P4HB: variants seen among roughly 807,000 people sequenced by gnomAD.
P4HB encodes the protein protein disulfide-isomerase.
Under a neutral mutation model 52.6 loss-of-function variants are expected in P4HB, and 20 were observed. The observed-to-expected ratio is 0.38, with a 90% confidence interval of 0.27 to 0.55. P4HB has a LOEUF of 0.55. P4HB is among the 20% of genes least tolerant of loss of function. The pLI is 0.74. For missense variants in P4HB, 601 were observed against 669.2 expected (o/e 0.90, Z 1.12); for synonymous variants, 296 against 277.9 (o/e 1.07, Z -0.65).
chr17:81,855,887 T>C lies in P4HB; in HGVS notation c.353-301A>G. ...TCTCTCTGCATTTTCTTTTTTCTTT[T>C]GACACAGGGGCTCACTCTGTTACCC... On this transcript the variant is annotated intron_variant, in intron 2 of 10. Transcript: ENST00000331483. The surrounding 1 kb of genome is among the most constrained non-coding windows in gnomAD (Gnocchi z 4.3). 3.2e-6 allele frequency: 1 copy of C among 317,114 alleles called. No individual in the cohort carries two copies. The highest frequency in any genetic ancestry group is 5.8e-6 in the Non-Finnish European group (1 of 171,670). 19.6% of individuals were successfully genotyped at this position (317,114 alleles called of 1,614,324 possible).
intron 1 of P4HB, 80 bp from the exon 2 acceptor site, chr17:81,859,467 C>T: frequency 1.6e-6 from 2 of 1,242,872 alleles, no homozygotes; most frequent in Non-Finnish European, 2.3e-6. Flanking sequence ...TTCCCTTTTT[C>T]CTCTGGCATT....
intron 4 of P4HB, among the ~76,000 whole-genome samples, chr17:81,853,308 C>A (rs1227512742): frequency 6.6e-6 from 1 of 152,154 alleles, no homozygotes; most frequent in African/African-American, 2.4e-5. Flanking sequence ...GTCGGTGGCT[C>A]ACACCTGTAA....
chr17:81,851,433 C>T (rs1359013656), intron 4 of P4HB, among the ~76,000 whole-genome samples: 3 of 152,202 alleles, frequency 2.0e-5, no homozygotes, highest in Non-Finnish European at 2.9e-5. Context: ...CCACCCTGCC[C>T]GAACCCGAGG....
At position 81,859,280 on chromosome 17, in the gene P4HB, T is replaced by C. The variant is rs775201620; in HGVS notation, c.253A>G (p.Thr85Ala). ...TGCTGGGCCAGGTCAGACTCCTCCGTGGCGTCCACCTTGGCCAACCTGATC... is the reference window on the plus strand; with the variant it reads ...TGCTGGGCCAGGTCAGACTCCTCCGCGGCGTCCACCTTGGCCAACCTGATC... ...SEIRLAKVDA[T>A]EESDLAQQYG... Residue 85 changes from threonine (T) to alanine (A), a missense_variant, in exon 2 of 11, where the codon ACG (threonine) becomes GCG (alanine). Coordinates refer to ENST00000331483, the MANE Select transcript of P4HB (RefSeq NM_000918.4). 6 of 1,614,034 alleles carry C rather than the reference T, an allele frequency of 3.7e-6. No homozygotes were observed. The Admixed American group carries it at 5.0e-5, about 13-fold the overall frequency.
At position 81,855,860 on chromosome 17, in the gene P4HB, G is replaced by C. The variant is rs527241165; in HGVS notation, c.353-274C>G. 5.0e-6 allele frequency: 2 copies of C among 396,734 alleles called. No homozygotes were observed. Among genetic ancestry groups the C allele is most frequent in the East Asian group, 4.1e-5 (1 of 24,642 alleles). The allele number at this position is 396,734 out of a possible 1,614,324, so 24.6% of individuals were successfully genotyped here. ...GATCACAAACCCATTTTTTTTCTCTGATCTCTCTGCATTTTCTTTTTTCTT... is the reference window on the plus strand; with the variant it reads ...GATCACAAACCCATTTTTTTTCTCTCATCTCTCTGCATTTTCTTTTTTCTT... On this transcript the variant is annotated intron_variant, in intron 2 of 10. Transcript: ENST00000331483. The surrounding 1 kb of genome is among the most constrained non-coding windows in gnomAD (Gnocchi z 4.3).
intron 4 of P4HB, among the ~76,000 whole-genome samples, chr17:81,848,268 G>A (rs575490767): frequency 3.3e-5 from 5 of 152,150 alleles, no homozygotes; most frequent in Non-Finnish European, 7.3e-5. Context: ...CACGTGCTGC[G>A]GCACAGACCC....
In P4HB at chr17:81,859,383, G is replaced by A. The variant is rs2038962262; in HGVS notation, c.150C>T (p.Ala50=). 2 of 1,612,330 alleles carry A rather than the reference G, an allele frequency of 1.2e-6. No individual in the cohort carries two copies. The highest frequency in any genetic ancestry group is 1.3e-5 in the African/African-American group (1 of 74,896). ...AHKYLLVEFY[A]PWCGHCKALA... ...GAGCCTTGCAGTGGCCACACCAAGG[G>A]GCATCTGGAAGCGGAAATGAGATGC... Residue 50 remains alanine, a synonymous_variant, in exon 2 of 11, where the codon GCC becomes GCT. Transcript: ENST00000331483.
rs967303558 is a variant in P4HB at position 81,851,055 on chromosome 17, T to C, written c.625-3708A>G. On this transcript the variant is annotated intron_variant, in intron 4 of 10. Coordinates refer to ENST00000331483, the MANE Select transcript of P4HB (RefSeq NM_000918.4). ...ACGCCATTCTCCTGCCTCAGCCTCCTGAGTAGCTGGGACTACAGGTGCCCG... is the reference window on the plus strand; with the variant it reads ...ACGCCATTCTCCTGCCTCAGCCTCCCGAGTAGCTGGGACTACAGGTGCCCG... Among the ~76,000 whole-genome samples, 6 of 152,038 alleles carry C rather than the reference T, an allele frequency of 3.9e-5. No homozygotes were observed. The East Asian group carries it at 9.7e-4, about 25-fold the overall frequency.
At chr17:81,857,413 T>C (rs1255121781) in intron 2 of P4HB, among the ~76,000 whole-genome samples, 2 of 152,206 alleles carry the variant, frequency 1.3e-5, no homozygotes, top group Non-Finnish European at 2.9e-5. Context: ...CCTCCCAAAG[T>C]GCTGGGATTA....
At chr17:81,847,519 G>C (rs1598264692) in intron 4 of P4HB, 172 bp from the exon 5 acceptor site, 16 of 635,164 alleles carry the variant, frequency 2.5e-5, no homozygotes, top group South Asian at 2.3e-4. Flanking sequence ...TCGACAGTAA[G>C]ACTGGCTCTG....
At chr17:81,856,591 G>A (rs560167747) in intron 2 of P4HB, among the ~76,000 whole-genome samples, 1 of 150,480 alleles carries the variant, frequency 6.6e-6, no homozygotes, top group East Asian at 2.0e-4. Context: ...TGCCTCAGCG[G>A]TCTCCCAAAG....
chr17:81,852,929 T>G (rs2038854994), intron 4 of P4HB, among the ~76,000 whole-genome samples: 1 of 152,258 alleles, frequency 6.6e-6, no homozygotes, highest in South Asian at 2.1e-4. Flanking sequence ...AGGACAAGAC[T>G]TGGAACTTTC....
intron 4 of P4HB, among the ~76,000 whole-genome samples, chr17:81,848,938 C>T (rs528923149): frequency 4.1e-5 from 6 of 145,576 alleles, no homozygotes; most frequent in South Asian, 2.2e-4. Context: ...CCCAGCTGCT[C>T]GGGAGACTGA....
In P4HB at chr17:81,846,676, C is replaced by T; in HGVS notation, c.856-47G>A. On this transcript the variant is annotated intron_variant, in intron 6 of 10. Transcript: ENST00000331483. This position sits in a 1 kb window ranked among gnomAD's most constrained non-coding sequence, Gnocchi z 5.7. ...CACAGGTGCGGGAGACGGCTGGCCT[C>T]TGCCTCCAGCCCTGACTTTGCTCGG... The T allele has an allele frequency of 1.9e-6, 3 of 1,563,724 alleles. No individual in the cohort carries two copies. The highest frequency in any genetic ancestry group is 2.6e-6 in the Non-Finnish European group (3 of 1,140,344).
At chr17:81,853,119 G>C (rs149427279) in intron 4 of P4HB, among the ~76,000 whole-genome samples, 52 of 152,316 alleles carry the variant, frequency 3.4e-4, no homozygotes, top group African/African-American at 1.2e-3. Context: ...AGCATCTACT[G>C]TCTTGAGTTA....
rs1374981052 is a variant in P4HB at position 81,859,128 on chromosome 17, C to T, written c.352+53G>A. 4.5e-6 allele frequency: 7 copies of T among 1,539,826 alleles called. No homozygotes were observed. In the South Asian group the frequency reaches 6.7e-5, roughly 15 times the overall value. On this transcript the variant is annotated intron_variant, in intron 2 of 10. Coordinates refer to ENST00000331483, the MANE Select transcript of P4HB (RefSeq NM_000918.4). ...GACAGCTGCCCCTGCCCTTCCAAGTCGGCAGGCCAGTCCCTCTCTAAAGAC... is the reference window on the plus strand; with the variant it reads ...GACAGCTGCCCCTGCCCTTCCAAGTTGGCAGGCCAGTCCCTCTCTAAAGAC...
In P4HB at chr17:81,860,479, A is replaced by C. The variant is rs1279789852; in HGVS notation, c.-8T>G. Reference sequence around the variant, plus strand: ...CAGAGCGCGGCGCAGCATGTCGGACACGGATCAGGCGGGGCGCTTCGGTTG... The same window carrying C: ...CAGAGCGCGGCGCAGCATGTCGGACCCGGATCAGGCGGGGCGCTTCGGTTG... On this transcript the variant is annotated 5_prime_UTR_variant, in exon 1 of 11. Coordinates refer to ENST00000331483, the MANE Select transcript of P4HB (RefSeq NM_000918.4). 40 of 1,302,990 alleles carry C rather than the reference A, an allele frequency of 3.1e-5. No individual in the cohort carries two copies. The highest frequency in any genetic ancestry group is 3.9e-5 in the Non-Finnish European group (40 of 1,023,450). 80.7% of individuals were successfully genotyped at this position (1,302,990 alleles called of 1,614,324 possible). A position where few individuals can be genotyped will look rare whatever the true frequency, so the allele number is the denominator to read the frequency against.
chr17:81,850,292 C>G (rs1230476712), intron 4 of P4HB, among the ~76,000 whole-genome samples: 1 of 151,964 alleles, frequency 6.6e-6, no homozygotes, highest in African/African-American at 2.4e-5. Context: ...GCCACCACGC[C>G]TGGCTAATTT....
At position 81,847,287 on chromosome 17, in the gene P4HB, T is replaced by C. The variant is rs770902876; in HGVS notation, c.685A>G (p.Ile229Val). ...EVTKENLLDFIKHNQLPLVIE... is the reference protein window; with the variant it reads ...EVTKENLLDFVKHNQLPLVIE... ...ACAAGGGGCAGCTGGTTGTGTTTGA[T>C]AAAGTCCAGCAGGTTCTCCTTGGTG... Residue 229 changes from isoleucine to valine, a missense_variant, in exon 5 of 11, where the codon ATC (isoleucine) becomes GTC (valine). Transcript: ENST00000331483. 2.5e-6 allele frequency: 4 copies of C among 1,614,152 alleles called. No homozygotes were observed. The Admixed American group carries it at 5.0e-5, about 20-fold the overall frequency.
Sources: gnomAD v4.1 joint callset for allele counts (sites outside exome capture counted in the v4.1 genomes callset) on GRCh38, gnomAD v4.1.1 for gene constraint, Gnocchi (gnomAD v3.1) non-coding constraint, MANE v1.5 for transcripts, NCBI Gene and HGNC (gene_info 2026-07-23, HGNC 2026-07-21) for gene names.